STXBP5L: variants seen among roughly 807,000 people sequenced by gnomAD.
The protein encoded by STXBP5L is syntaxin binding protein 5L.
Under a neutral mutation model 144.5 loss-of-function variants are expected in STXBP5L, and 65 were observed. That is an observed-to-expected ratio of 0.45 (90% CI 0.37 to 0.55). The LOEUF (loss-of-function observed/expected upper bound fraction) is 0.55. Among genes scored for constraint, STXBP5L ranks in the 20% least tolerant of loss-of-function variants. The pLI, the probability that STXBP5L is intolerant of heterozygous loss-of-function variation, is 0.00. For synonymous variants in STXBP5L, 505 were observed against 469.6 expected (o/e 1.08, Z -0.97); for missense variants, 1,298 against 1,405.5 (o/e 0.92, Z 1.22).
chr3:121,394,602 G>GTT (rs373859677), intron 22 of STXBP5L, among the ~76,000 whole-genome samples: 3,769 of 99,744 alleles, frequency 0.038, 290 homozygotes, highest in African/African-American at 0.065. Context: ...TTTGTTGAGG[G>GTT]TTTTTTTTTT....
intron 10 of STXBP5L, among the ~76,000 whole-genome samples, chr3:121,216,446 TG>T (rs2048780049): frequency 6.6e-6 from 1 of 152,240 alleles, no homozygotes; most frequent in Admixed American, 6.5e-5. Context: ...GCCCCTCTGC[TG>T]CAGTTTTGCT....
intron 10 of STXBP5L, among the ~76,000 whole-genome samples, chr3:121,210,502 G>A (rs937690007): frequency 6.6e-6 from 1 of 152,136 alleles, no homozygotes; most frequent in African/African-American, 2.4e-5. Flanking sequence ...TGAAGTCCTT[G>A]CCCCTGCCTA....
At chr3:120,978,994 G>A (rs1016388486) in intron 3 of STXBP5L, among the ~76,000 whole-genome samples, 1 of 152,168 alleles carries the variant, frequency 6.6e-6, no homozygotes, top group Admixed American at 6.5e-5. Context: ...GGGGGTCAGG[G>A]GTCAGGGACC....
At chr3:121,205,689 A>G (rs1290485317) in intron 9 of STXBP5L, among the ~76,000 whole-genome samples, 1 of 152,228 alleles carries the variant, frequency 6.6e-6, no homozygotes, top group Non-Finnish European at 1.5e-5. Flanking sequence ...TAAAAGTTAT[A>G]TAATTTTACA....
chr3:121,400,975 G>C (rs528354048), intron 22 of STXBP5L, among the ~76,000 whole-genome samples: 1 of 151,924 alleles, frequency 6.6e-6, no homozygotes, highest in South Asian at 2.1e-4. Flanking sequence ...ACAGAAGAAA[G>C]AAAAAAGCTT....
intron 22 of STXBP5L, among the ~76,000 whole-genome samples, chr3:121,392,186 A>T (rs2046605612): frequency 2.0e-5 from 3 of 152,122 alleles, no homozygotes. Context: ...GCAAGGCTCC[A>T]TGGGCATGGG....
intron 7 of STXBP5L, 68 bp from the exon 8 acceptor site, chr3:121,152,409 A>C (rs886133200): frequency 8.5e-7 from 1 of 1,183,138 alleles, no homozygotes; most frequent in African/African-American, 1.6e-5. Flanking sequence ...TATTAACATT[A>C]AACTTTATTT....
At chr3:120,918,046 T>C (rs1404333377) in intron 2 of STXBP5L, among the ~76,000 whole-genome samples, 1 of 152,238 alleles carries the variant, frequency 6.6e-6, no homozygotes, top group Non-Finnish European at 1.5e-5. Context: ...TTCTTGACTC[T>C]TGCAGCTTTT....
At chr3:121,227,063 T>A (rs904573262) in intron 11 of STXBP5L, among the ~76,000 whole-genome samples, 1 of 152,116 alleles carries the variant, frequency 6.6e-6, no homozygotes, top group Admixed American at 6.6e-5. Context: ...TTTATTTAAC[T>A]TATATAAATA....
intron 20 of STXBP5L, among the ~76,000 whole-genome samples, chr3:121,366,877 T>A (rs1375472923): frequency 6.6e-6 from 1 of 152,100 alleles, no homozygotes; most frequent in Non-Finnish European, 1.5e-5. Context: ...TTAAATGGGA[T>A]GTTTAGATTC....
chr3:121,104,697 TAGAG>T (rs2043604073), intron 5 of STXBP5L, among the ~76,000 whole-genome samples: 1 of 152,088 alleles, frequency 6.6e-6, no homozygotes, highest in Non-Finnish European at 1.5e-5. Flanking sequence ...AAGTCACATA[TAGAG>T]AATGAAAGTG....
At chr3:121,049,880 T>C (rs1460667498) in intron 5 of STXBP5L, among the ~76,000 whole-genome samples, 1 of 152,140 alleles carries the variant, frequency 6.6e-6, no homozygotes. Flanking sequence ...AGACTCCACA[T>C]AACTCTTTGC....
rs527975695 is a variant in STXBP5L, at chr3:121,085,899, C to A, written c.471-29026C>A. The stretch of plus-strand genomic sequence containing the variant: ...TAAGCAAAAAGAACAAAGCTGGAGG[C>A]ACCACACTGACTTCAAACTATACCA... On this transcript the variant is annotated intron_variant, in intron 5 of 26. Coordinates refer to ENST00000471454, the MANE Select transcript of STXBP5L (RefSeq NM_001308330.2). 1.1e-3 allele frequency among the ~76,000 whole-genome samples: 161 copies of A among 152,176 alleles called. 3 individuals carry two copies. The highest frequency in any genetic ancestry group is 1.8e-3 in the Non-Finnish European group (125 of 67,942).
intron 3 of STXBP5L, among the ~76,000 whole-genome samples, chr3:121,004,804 A>T (rs574628267): frequency 6.6e-6 from 1 of 152,286 alleles, no homozygotes; most frequent in East Asian, 1.9e-4. Context: ...ATCTATTGAG[A>T]TAATCATGTG....
intron 2 of STXBP5L, among the ~76,000 whole-genome samples, chr3:120,935,899 T>C (rs1710242435): frequency 1.3e-5 from 2 of 152,144 alleles, no homozygotes; most frequent in Non-Finnish European, 2.9e-5. Flanking sequence ...AGAATTATGG[T>C]TTGGTGTCTG....
At chr3:121,086,134 T>A (rs2042479645) in intron 5 of STXBP5L, among the ~76,000 whole-genome samples, 1 of 152,176 alleles carries the variant, frequency 6.6e-6, no homozygotes, top group African/African-American at 2.4e-5. Context: ...ACTGGACCCC[T>A]TCCTTATACC....
intron 5 of STXBP5L, among the ~76,000 whole-genome samples, chr3:121,051,618 C>T (rs1948001634): frequency 6.6e-6 from 1 of 152,010 alleles, no homozygotes; most frequent in Admixed American, 6.6e-5. Flanking sequence ...GCACTAAATG[C>T]CCACAAGAGA....
intron 5 of STXBP5L, among the ~76,000 whole-genome samples, chr3:121,112,226 C>T (rs2044022128): frequency 6.6e-6 from 1 of 151,962 alleles, no homozygotes; most frequent in Non-Finnish European, 1.5e-5. Context: ...TCTAGCTGAG[C>T]GACCGCCAAG....
intron 3 of STXBP5L, among the ~76,000 whole-genome samples, chr3:120,998,221 A>C (rs1190187348): frequency 6.6e-6 from 1 of 152,174 alleles, no homozygotes; most frequent in Non-Finnish European, 1.5e-5. Context: ...TAGTACTGGA[A>C]GTCCTAGCCA....
Sources: gnomAD v4.1 joint callset for allele counts (sites outside exome capture counted in the v4.1 genomes callset) on GRCh38, gnomAD v4.1.1 for gene constraint, MANE v1.5 for transcripts, NCBI Gene and HGNC (gene_info 2026-07-23, HGNC 2026-07-21) for gene names.